GRIK2: variants seen among roughly 807,000 people sequenced by gnomAD.
GRIK2 encodes glutamate ionotropic receptor kainate type subunit 2.
A neutral mutation model predicts 100.3 loss-of-function variants in GRIK2; 32 were observed. The observed-to-expected ratio is 0.32, with a 90% CI of 0.24 to 0.43. The LOEUF is 0.43. Among genes scored for constraint, GRIK2 ranks in the 20% least tolerant of loss-of-function variants. The pLI is 1.00. For synonymous variants in GRIK2, 417 were observed against 389.4 expected, an observed-to-expected ratio of 1.07 and a Z score of -0.83; for missense variants, 843 against 1,114.9, an observed-to-expected ratio of 0.76 and a Z score of 3.47.
chr6:101,827,613 A>T (rs1007624581), intron 10 of GRIK2, among the ~76,000 whole-genome samples: 3 of 151,982 alleles, frequency 2.0e-5, no homozygotes, highest in African/African-American at 7.2e-5. Flanking sequence ...CAAAAAAAGG[A>T]CAGGGATTGC....
chr6:102,027,112 A>T (rs1322304860), intron 14 of GRIK2, among the ~76,000 whole-genome samples: 1 of 151,416 alleles, frequency 6.6e-6, no homozygotes, highest in South Asian at 2.1e-4. Flanking sequence ...ATTACATGTA[A>T]CTTTTTCATA....
At chr6:101,829,719 A>C (rs565563420) in intron 10 of GRIK2, among the ~76,000 whole-genome samples, 3 of 151,948 alleles carry the variant, frequency 2.0e-5, no homozygotes, top group Non-Finnish European at 4.4e-5. Flanking sequence ...GGAGCACTAA[A>C]GACAAAACAA....
intron 2 of GRIK2, among the ~76,000 whole-genome samples, chr6:101,525,037 C>T (rs2128282742): frequency 6.6e-6 from 1 of 152,178 alleles, no homozygotes; most frequent in African/African-American, 2.4e-5. Context: ...TGAGCCCCCA[C>T]TTGCGTGTTC....
At chr6:101,840,745 G>C (rs1246531076) in intron 10 of GRIK2, among the ~76,000 whole-genome samples, 2 of 151,924 alleles carry the variant, frequency 1.3e-5, no homozygotes, top group Non-Finnish European at 2.9e-5. Context: ...TATATTCTGA[G>C]CTCTCTTAGC....
At chr6:102,058,459 T>C (rs1330551845) in intron 16 of GRIK2, among the ~76,000 whole-genome samples, 1 of 151,610 alleles carries the variant, frequency 6.6e-6, no homozygotes, top group Non-Finnish European at 1.5e-5. Context: ...ATTATTTTTC[T>C]ATACAATTCA....
At chr6:101,813,593 C>A (rs1781465645) in intron 9 of GRIK2, among the ~76,000 whole-genome samples, 1 of 152,120 alleles carries the variant, frequency 6.6e-6, no homozygotes, top group Admixed American at 6.6e-5. Flanking sequence ...AAAATTACAA[C>A]CTTTTCCTTG....
At chr6:101,472,036 T>A (rs1220905140) in intron 2 of GRIK2, among the ~76,000 whole-genome samples, 2 of 13,856 alleles carry the variant, frequency 1.4e-4, no homozygotes, top group African/African-American at 4.9e-4. Context: ...AGAACTTGGG[T>A]GTTTCATTGT....
intron 2 of GRIK2, among the ~76,000 whole-genome samples, chr6:101,419,556 C>T (rs1049286104): frequency 2.6e-5 from 4 of 152,210 alleles, no homozygotes; most frequent in Non-Finnish European, 5.9e-5. Context: ...TGTCTCTCTA[C>T]ACAAGTAGAT....
intron 11 of GRIK2, among the ~76,000 whole-genome samples, chr6:101,876,888 G>T (rs1459697556): frequency 6.6e-6 from 1 of 151,782 alleles, no homozygotes; most frequent in Non-Finnish European, 1.5e-5. Context: ...TTACTTCTAG[G>T]TATGTTATTA....
At chr6:101,711,336 A>G (rs889371272) in intron 7 of GRIK2, among the ~76,000 whole-genome samples, 1 of 151,806 alleles carries the variant, frequency 6.6e-6, no homozygotes, top group South Asian at 2.1e-4. Context: ...AATATTTTAA[A>G]AATATTCTAA....
At chr6:101,676,138 T>C (rs1412306433) in intron 4 of GRIK2, among the ~76,000 whole-genome samples, 1 of 152,168 alleles carries the variant, frequency 6.6e-6, no homozygotes, top group Non-Finnish European at 1.5e-5. Flanking sequence ...AACAAAGCTA[T>C]GTGTGTACAC....
intron 15 of GRIK2, among the ~76,000 whole-genome samples, chr6:102,037,927 C>G (rs1382146983): frequency 6.6e-6 from 1 of 151,024 alleles, no homozygotes; most frequent in Non-Finnish European, 1.5e-5. Context: ...ATGTTTTTTC[C>G]TAGGAAAAAT....
chr6:101,760,602 A>ATG lies in GRIK2; in HGVS notation c.952-39045_952-39044insGT, dbSNP rs1161644812. Among the ~76,000 whole-genome samples, 16 of 61,084 alleles carry ATG rather than the reference A, an allele frequency of 2.6e-4. 2 individuals carry two copies. The highest frequency in any genetic ancestry group is 1.8e-3 in the African/African-American group (14 of 7,818). The allele number at this position is 61,084 out of a possible 152,430, so 40.1% of individuals were successfully genotyped here. ...ATTATATATAATTATATATAATTAT[A>ATG]TATAATTATATTTAATTATATGTTT... On this transcript the variant is annotated intron_variant, in intron 7 of 16. Coordinates refer to ENST00000369134, the MANE Select transcript of GRIK2 (RefSeq NM_021956.5).
In GRIK2 at chr6:101,960,737, C is replaced by T. The variant is rs572973014; in HGVS notation, c.2085+32105C>T. On this transcript the variant is annotated intron_variant, in intron 14 of 16. Transcript: ENST00000369134. Reference sequence around the variant, plus strand: ...TGTGGGACTGAGGTTATGGAAGTCTCAGGAAACTTACCTTATTCCGCAGCA... The same window carrying T: ...TGTGGGACTGAGGTTATGGAAGTCTTAGGAAACTTACCTTATTCCGCAGCA... 4.6e-5 allele frequency among the ~76,000 whole-genome samples: 7 copies of T among 152,264 alleles called. No individual in the cohort carries two copies. In the South Asian group the frequency reaches 1.5e-3, roughly 32 times the overall value.
At chr6:101,450,372 T>C (rs892460237) in intron 2 of GRIK2, among the ~76,000 whole-genome samples, 11 of 151,826 alleles carry the variant, frequency 7.2e-5, no homozygotes, top group Non-Finnish European at 1.2e-4. Context: ...TATGTTATTG[T>C]AGCATTGATC....
intron 10 of GRIK2, among the ~76,000 whole-genome samples, chr6:101,841,930 A>G (rs1014804397): frequency 6.6e-6 from 1 of 152,156 alleles, no homozygotes; most frequent in Non-Finnish European, 1.5e-5. Context: ...GTTGAATGGA[A>G]AAATGGAAGT....
chr6:101,589,371 A>G (rs141165050), intron 2 of GRIK2, among the ~76,000 whole-genome samples: 1 of 152,252 alleles, frequency 6.6e-6, no homozygotes, highest in East Asian at 1.9e-4. Flanking sequence ...TATAGCCACC[A>G]TGTTGCACAA....
intron 7 of GRIK2, among the ~76,000 whole-genome samples, chr6:101,724,582 C>T (rs1774729947): frequency 1.3e-5 from 2 of 151,988 alleles, no homozygotes; most frequent in South Asian, 2.1e-4. Context: ...ATTTTGTTTA[C>T]TCCATCCACT....
At chr6:101,451,087 T>C (rs1562146766) in intron 2 of GRIK2, among the ~76,000 whole-genome samples, 1 of 151,726 alleles carries the variant, frequency 6.6e-6, no homozygotes, top group Non-Finnish European at 1.5e-5. Flanking sequence ...TAACAGTCTC[T>C]AAATCATTCT....
Sources: gnomAD v4.1 joint callset for allele counts (sites outside exome capture counted in the v4.1 genomes callset) on GRCh38, gnomAD v4.1.1 for gene constraint, MANE v1.5 for transcripts, NCBI Gene and HGNC (gene_info 2026-07-23, HGNC 2026-07-21) for gene names.